MST1R: variants seen among roughly 807,000 people sequenced by gnomAD.
MST1R encodes macrophage stimulating 1 receptor, also known as macrophage-stimulating protein receptor.
MST1R carries 99 observed loss-of-function variants against 117.8 expected under a neutral mutation model. The ratio of observed to expected loss-of-function variants is 0.84; its 90% CI spans 0.71 to 0.99. The LOEUF (loss-of-function observed/expected upper bound fraction) is 0.99, where lower values mean the gene tolerates loss of function less well. Among genes scored for constraint, MST1R ranks in the 50% least tolerant of loss-of-function variants. The pLI is 0.00. For missense variants in MST1R, 1,683 were observed against 1,840.2 expected (o/e 0.91, Z 1.56); for synonymous variants, 734 against 765.3 (o/e 0.96, Z 0.68).
intron 12 of MST1R, 39 bp downstream of exon 12, chr3:49,895,676 G>A (rs776651534): frequency 1.2e-6 from 2 of 1,612,410 alleles, no homozygotes; most frequent in Admixed American, 3.3e-5. Flanking sequence ...CCATTGGTTG[G>A]GGGTAGGGGC....
At chr3:49,897,477 C>A (rs150120092) in intron 6 of MST1R, 43 bp downstream of exon 6, 2 of 1,610,350 alleles carry the variant, frequency 1.2e-6, no homozygotes, top group Non-Finnish European at 1.7e-6. Context: ...CCTTCCCGTA[C>A]CATGCACTGG....
chr3:49,892,197 C>A (rs1209856921), intron 14 of MST1R, among the ~76,000 whole-genome samples: 1 of 150,754 alleles, frequency 6.6e-6, no homozygotes, highest in Non-Finnish European at 1.5e-5. Flanking sequence ...AACTCCTGAT[C>A]TTGTGATTCA....
At chr3:49,902,247 G>T in intron 1 of MST1R, 133 bp downstream of exon 1, 1 of 1,295,732 alleles carries the variant, frequency 7.7e-7, no homozygotes, top group Non-Finnish European at 1.1e-6. Flanking sequence ...CTTAGGAACT[G>T]GGTGAGAGAG....
At chr3:49,900,006 C>CTCT (rs1351817878) in intron 1 of MST1R, among the ~76,000 whole-genome samples, 1 of 152,220 alleles carries the variant, frequency 6.6e-6, no homozygotes, top group African/African-American at 2.4e-5. Context: ...CCCCTGCTGG[C>CTCT]TCTTCTCTGA....
In MST1R at chr3:49,899,197, AGCT is replaced by A. The variant is rs2082584378; in HGVS notation, c.1294_1296del (p.Ser432del). The A allele has an allele frequency of 3.7e-6, 6 of 1,614,166 alleles. No individual in the cohort carries two copies. The highest frequency in any genetic ancestry group is 5.1e-6 in the Non-Finnish European group (6 of 1,180,024). On this transcript the variant is annotated inframe_deletion, in exon 2 of 20. Coordinates refer to ENST00000296474, the MANE Select transcript of MST1R (RefSeq NM_002447.4). ...CCATTGAATAGGTCCACACGTGAGA[AGCT>A]GCTACTGACCAGCAGAGGGAAGTGG... is the stretch of plus-strand genomic sequence containing the variant.
intron 19 of MST1R, among the ~76,000 whole-genome samples, chr3:49,888,294 G>T (rs1413266029): frequency 6.6e-6 from 1 of 152,156 alleles, no homozygotes; most frequent in African/African-American, 2.4e-5. Flanking sequence ...ATATTAGCCG[G>T]GCGTCGTGGC....
Position 49,895,967 on chromosome 3 carries a change from T to C in MST1R, c.2790A>G (p.Pro930=), listed in dbSNP as rs755290749. The C allele has an allele frequency of 8.3e-6, 13 of 1,569,042 alleles. 1 individual carries two copies. The Admixed American group carries it at 2.1e-4, about 26-fold the overall frequency. The stretch of plus-strand genomic sequence containing the variant: ...GTCCAGCTGGGCTGCCTACCTGCAA[T>C]GGGGCACCATCCTGGCCAAGCTGCA... ...PSLQLGQDGA[P]LQVCVDGECH... is the part of the protein sequence containing the mutation. The change falls in exon 11 of 20, where the codon CCA becomes CCG. Residue 930 remains proline (P), a synonymous_variant. Transcript: ENST00000296474.
intron 17 of MST1R, among the ~76,000 whole-genome samples, chr3:49,890,864 T>G (rs1182058315): frequency 6.6e-6 from 1 of 152,204 alleles, no homozygotes; most frequent in African/African-American, 2.4e-5. Flanking sequence ...TAGCTGGGAC[T>G]ACAGGGGCCC....
chr3:49,898,449 G>C (rs1254727214), intron 4 of MST1R, 69 bp downstream of exon 4: 1 of 1,563,262 alleles, frequency 6.4e-7, no homozygotes, highest in African/African-American at 1.4e-5. Context: ...TTGTGATCAA[G>C]ACTTGCTGAC....
Position 49,895,707 on chromosome 3 carries a change from G to T in MST1R, c.2962+8C>A, listed in dbSNP as rs751002214. ...GGGGCTGATTAAAGGTAGGAGCAGA[G>T]AACTCACCTAGCTGCTTCCTCCGCC... On this transcript the variant is annotated splice_region_variant and intron_variant, in intron 12 of 19. Transcript: ENST00000296474. 1.7e-5 allele frequency: 27 copies of T among 1,611,936 alleles called. No homozygotes were observed. The South Asian group carries it at 2.9e-4, about 17-fold the overall frequency.
chr3:49,888,299 C>T lies in MST1R; in HGVS notation c.3948-737G>A, dbSNP rs546621917. 1.4e-4 allele frequency among the ~76,000 whole-genome samples: 21 copies of T among 152,050 alleles called. No homozygotes were observed. The East Asian group carries it at 3.7e-3, about 27-fold the overall frequency. On this transcript the variant is annotated intron_variant, in intron 19 of 19. Coordinates refer to ENST00000296474, the MANE Select transcript of MST1R (RefSeq NM_002447.4). ...AAAACACAAAATATTAGCCGGGCGT[C>T]GTGGCAGGCGCCTGTAGTCCCAGCT...
In MST1R at chr3:49,887,027, C is replaced by T; in HGVS notation, c.*280G>A. 2.0e-6 allele frequency: 1 copy of T among 505,396 alleles called. No homozygotes were observed. Among genetic ancestry groups the T allele is most frequent in the South Asian group, 2.8e-5 (1 of 35,148 alleles). The allele number at this position is 505,396 out of a possible 1,614,324, so 31.3% of individuals were successfully genotyped here. ...TTTGTGCTTTAATAGTCATTTGTTC[C>T]TTTATTGGTTCAAGGGTCAGTGTTG... is the stretch of plus-strand genomic sequence containing the variant. On this transcript the variant is annotated 3_prime_UTR_variant, in exon 20 of 20. Coordinates refer to ENST00000296474, the MANE Select transcript of MST1R (RefSeq NM_002447.4).
chr3:49,903,467 C>G lies in MST1R; in HGVS notation c.143G>C (p.Ser48Thr). The G allele has an allele frequency of 6.2e-7, 1 of 1,613,164 alleles. No individual in the cohort carries two copies. The highest frequency in any genetic ancestry group is 8.5e-7 in the Non-Finnish European group (1 of 1,179,998). ...CTGTACCAGGCCTCCGGCGGAGAAG[C>G]TGGGCACCACGTACTTCACGTCAAA... ...RDFDVKYVVP[S>T]FSAGGLVQAM... is the part of the protein sequence containing the mutation. Residue 48 changes from serine to threonine, a missense_variant, in exon 1 of 20, where the codon AGC (serine) becomes ACC (threonine). By Grantham distance (58) the Ser-to-Thr change is moderately conservative. Transcript: ENST00000296474.
Position 49,891,083 on chromosome 3 carries a change from G to A in MST1R, c.3644+114C>T, listed in dbSNP as rs1344622834. 4 of 943,698 alleles carry A rather than the reference G, an allele frequency of 4.2e-6. No homozygotes were observed. The African/African-American group carries it at 6.5e-5, about 15-fold the overall frequency. The allele number at this position is 943,698 out of a possible 1,614,324, so 58.5% of individuals were successfully genotyped here. A position where few individuals can be genotyped will look rare whatever the true frequency, so the allele number is the denominator to read the frequency against. ...TGCACTGGGCAGACAAAAAAAGTAA[G>A]GTGCAGAGAGGGGAGGACAAGGCTG... On this transcript the variant is annotated intron_variant, in intron 17 of 19. Coordinates refer to ENST00000296474, the MANE Select transcript of MST1R (RefSeq NM_002447.4).
At chr3:49,889,201 G>A (rs2082243574) in intron 19 of MST1R, among the ~76,000 whole-genome samples, 1 of 152,074 alleles carries the variant, frequency 6.6e-6, no homozygotes, top group African/African-American at 2.4e-5. Context: ...GTAAATCCCC[G>A]TACATAAATC....
Position 49,895,360 on chromosome 3 carries a change from A to C in MST1R, c.3078T>G (p.Ile1026Met), listed in dbSNP as rs747502118. 3 of 1,614,114 alleles carry C rather than the reference A, an allele frequency of 1.9e-6. No homozygotes were observed. Among genetic ancestry groups the C allele is most frequent in the Non-Finnish European group, 2.5e-6 (3 of 1,180,060 alleles). The change falls in exon 14 of 20, where the codon ATT becomes ATG. Residue 1026 changes from isoleucine (I) to methionine (M), a missense_variant. Transcript: ENST00000296474. ...DYRSGLALPA[I>M]DGLDSTTCVH... The stretch of plus-strand genomic sequence containing the variant: ...CACAAGTGGTGGAATCCAGACCATC[A>C]ATGGCAGGGAGTGCTGTGGGGAGAG...
chr3:49,889,827 G>A, intron 19 of MST1R, 97 bp downstream of exon 19: 1 of 1,474,582 alleles, frequency 6.8e-7, no homozygotes, highest in Non-Finnish European at 9.3e-7. Context: ...TAGTCAACCA[G>A]AAGTTCAGTC....
Position 49,902,518 on chromosome 3 carries a change from A to G in MST1R, c.1092T>C (p.Ser364=). 6.2e-7 allele frequency: 1 copy of G among 1,614,146 alleles called. No individual in the cohort carries two copies. Residue 364 remains serine (S), a synonymous_variant, in exon 1 of 20, where the codon TCT becomes TCC. Transcript: ENST00000296474. ...GGTCAATGGGGAAGGCACAGACGAC[A>G]GAGTTGGGGCCCACGCCAGGACCAC... The part of the protein sequence containing the change: ...KDGGPGVGPN[S]VVCAFPIDLL...
chr3:49,896,343 G>T lies in MST1R; in HGVS notation c.2501C>A (p.Pro834His). 3 of 1,614,132 alleles carry T rather than the reference G, an allele frequency of 1.9e-6. No individual in the cohort carries two copies. Among genetic ancestry groups the T allele is most frequent in the Non-Finnish European group, 2.5e-6 (3 of 1,180,024 alleles). ...CRLPEYVVRDPQGWVAGNLSA... is the reference protein window; with the variant it reads ...CRLPEYVVRDHQGWVAGNLSA... ...CAGATTCCCTGCCACCCATCCCTGG[G>T]GGTCTCGGACCACATATTCAGGAAG... is the stretch of plus-strand genomic sequence containing the variant. Residue 834 changes from proline to histidine, a missense_variant, in exon 10 of 20, where the codon CCC becomes CAC. Physicochemically the swap from Pro to His is moderately conservative, Grantham distance 77 (BLOSUM62 -2). Transcript: ENST00000296474.
Sources: allele counts gnomAD v4.1 joint callset (sites outside exome capture counted in the v4.1 genomes callset), GRCh38; gene constraint gnomAD v4.1.1; transcripts MANE v1.5; gene names NCBI Gene and HGNC (gene_info 2026-07-23, HGNC 2026-07-21).